Variants in SP3 observed in about 807,000 individuals in gnomAD.
SP3 encodes Sp3 transcription factor.
Under a neutral mutation model 70.3 loss-of-function variants are expected in SP3, and 10 were observed. The ratio of observed to expected loss-of-function variants is 0.14; its 90% confidence interval spans 0.09 to 0.24. The LOEUF (loss-of-function observed/expected upper bound fraction) is 0.24. Ranked by LOEUF, SP3 falls within the 10% of genes least tolerant of loss-of-function variation. The pLI, the probability that SP3 is intolerant of heterozygous loss-of-function variation, is 1.00. For missense variants in SP3, 825 were observed against 914.6 expected (o/e 0.90, Z 1.26); for synonymous variants, 402 against 333.5 (o/e 1.21, Z -2.24).
chr2:173,937,453 G>A (rs1159100158), intron 4 of SP3, among the ~76,000 whole-genome samples: 1 of 152,024 alleles, frequency 6.6e-6, no homozygotes, highest in Non-Finnish European at 1.5e-5. Context: ...TGTGAATCAA[G>A]TAAGTATACA....
intron 5 of SP3, chr2:173,915,328 TAA>T (rs892200728): frequency 6.6e-6 from 1 of 152,072 alleles, no homozygotes; most frequent in Non-Finnish European, 1.5e-5. Flanking sequence ...TCATTCAAAG[TAA>T]GATATAGATA....
chr2:173,908,894 AGACT>A lies in SP3; in HGVS notation c.*1043_*1046del, dbSNP rs1045326063. On this transcript the variant is annotated 3_prime_UTR_variant, in exon 7 of 7. Coordinates refer to ENST00000310015, the MANE Select transcript of SP3 (RefSeq NM_003111.5). ...AGGAAAATGATTGATATTTAAGTGC[AGACT>A]GACTACCTAGACAAAAAAAAAAAAG... 4 of 152,176 alleles carry A rather than the reference AGACT, an allele frequency of 2.6e-5. No individual in the cohort carries two copies. The highest frequency in any genetic ancestry group is 4.4e-5 in the Non-Finnish European group (3 of 67,834). 9.4% of individuals were successfully genotyped at this position (152,176 alleles called of 1,614,324 possible).
intron 6 of SP3, among the ~76,000 whole-genome samples, chr2:173,910,940 C>T (rs1490429814): frequency 2.0e-5 from 3 of 151,990 alleles, no homozygotes. Flanking sequence ...TGTTGAAGAC[C>T]GACTCTGCAA....
intron 3 of SP3, among the ~76,000 whole-genome samples, chr2:173,958,249 C>T (rs1342096293): frequency 6.9e-6 from 1 of 145,254 alleles, no homozygotes; most frequent in Admixed American, 7.0e-5. Context: ...AAAACAAAGT[C>T]AAATTTACAG....
At chr2:173,946,546 T>A (rs1264422101) in intron 4 of SP3, among the ~76,000 whole-genome samples, 1 of 152,150 alleles carries the variant, frequency 6.6e-6, no homozygotes, top group Non-Finnish European at 1.5e-5. Context: ...CCTACAGTAG[T>A]CAGTTCAATA....
intron 4 of SP3, among the ~76,000 whole-genome samples, chr2:173,936,051 G>A (rs201162904): frequency 2.6e-5 from 4 of 151,814 alleles, no homozygotes; most frequent in East Asian, 3.9e-4. Context: ...CTTTTGAAAC[G>A]GAGTCCCGCT....
chr2:173,944,089 T>A (rs758077824), intron 4 of SP3, among the ~76,000 whole-genome samples: 1 of 152,244 alleles, frequency 6.6e-6, no homozygotes, highest in Non-Finnish European at 1.5e-5. Flanking sequence ...GACTGAAACA[T>A]CATTATGCAG....
Position 173,901,563 on chromosome 2 carries a change from C to T in SP3, c.*8378G>A, listed in dbSNP as rs888553256. On this transcript the variant is annotated 3_prime_UTR_variant, in exon 7 of 7. Transcript: ENST00000310015. ...CTTGTAAAAATATGCTCAACCTCAC[C>T]AGAATATAGAAAAATTAGAATTAAA... Among the ~76,000 whole-genome samples the T allele has an allele frequency of 6.6e-6, 1 of 151,942 alleles. No homozygotes were observed. Among genetic ancestry groups the T allele is most frequent in the Non-Finnish European group, 1.5e-5 (1 of 67,990 alleles).
rs1025135880 is a variant in SP3, at chr2:173,906,093, T to A, written c.*3848A>T. Among the ~76,000 whole-genome samples, 7 of 151,966 alleles carry A rather than the reference T, an allele frequency of 4.6e-5. No individual in the cohort carries two copies. Among genetic ancestry groups the A allele is most frequent in the Admixed American group, 1.3e-4 (2 of 15,258 alleles). ...GACTAGGAATCACTGACAAAAAAAA[T>A]TCTTCTCTTTTGCAATTTGGCAGCC... is the stretch of plus-strand genomic sequence containing the variant. On this transcript the variant is annotated 3_prime_UTR_variant, in exon 7 of 7. Transcript: ENST00000310015.
intron 4 of SP3, 74 bp downstream of exon 4, chr2:173,954,799 T>C (rs1343158971): frequency 8.7e-6 from 12 of 1,386,934 alleles, no homozygotes; most frequent in Admixed American, 2.1e-5. Context: ...TGCTGATAAA[T>C]ACCTAAAGCA....
At chr2:173,942,303 A>G (rs905652432) in intron 4 of SP3, among the ~76,000 whole-genome samples, 1 of 152,176 alleles carries the variant, frequency 6.6e-6, no homozygotes, top group African/African-American at 2.4e-5. Context: ...AAGGCCTGTA[A>G]GCCTGTAATC....
At chr2:173,952,945 T>C (rs1025691747) in intron 4 of SP3, among the ~76,000 whole-genome samples, 2 of 152,216 alleles carry the variant, frequency 1.3e-5, no homozygotes, top group Admixed American at 6.5e-5. Context: ...TTTGAGGTAA[T>C]AAAAATGCTC....
intron 4 of SP3, among the ~76,000 whole-genome samples, chr2:173,945,560 A>G (rs1352570335): frequency 6.6e-6 from 1 of 152,178 alleles, no homozygotes; most frequent in African/African-American, 2.4e-5. Flanking sequence ...CTAGTGGGGG[A>G]AAATAAAAAA....
chr2:173,936,253 A>G (rs958452859), intron 4 of SP3, among the ~76,000 whole-genome samples: 3 of 152,082 alleles, frequency 2.0e-5, no homozygotes, highest in Non-Finnish European at 4.4e-5. Flanking sequence ...TCTTGACCTC[A>G]GGTGATCCAC....
In SP3 at chr2:173,901,695, C is replaced by CTT. The variant is rs34329180; in HGVS notation, c.*8244_*8245dup. On this transcript the variant is annotated 3_prime_UTR_variant, in exon 7 of 7. Coordinates refer to ENST00000310015, the MANE Select transcript of SP3 (RefSeq NM_003111.5). Reference sequence around the variant, plus strand: ...GGGAAACAGTTAGTTGGACTTAAGCCTTTTTTTTTTTTTTTTTTTTTTTTG... The same window carrying CTT: ...GGGAAACAGTTAGTTGGACTTAAGCCTTTTTTTTTTTTTTTTTTTTTTTTTTG... Among the ~76,000 whole-genome samples the CTT allele has an allele frequency of 0.099, 7,390 of 74,966 alleles. 383 individuals are homozygous for CTT. Among genetic ancestry groups the CTT allele is most frequent in the Non-Finnish European group, 0.14 (5,711 of 41,284 alleles). The allele number at this position is 74,966 out of a possible 152,430, so 49.2% of individuals were successfully genotyped here.
rs188774161 is a variant in SP3, at chr2:173,903,847, C to T, written c.*6094G>A. On this transcript the variant is annotated 3_prime_UTR_variant, in exon 7 of 7. Coordinates refer to ENST00000310015, the MANE Select transcript of SP3 (RefSeq NM_003111.5). ...GCCCACCCTTTCTGATTCATCCAAG[C>T]TATATACTAAGTTCTGCCTTGTCTA... Among the ~76,000 whole-genome samples the T allele has an allele frequency of 1.3e-5, 2 of 152,186 alleles. No individual in the cohort carries two copies. Among genetic ancestry groups the T allele is most frequent in the South Asian group, 4.1e-4 (2 of 4,828 alleles).
At chr2:173,964,371 G>C (rs761933836) in intron 2 of SP3, 34 bp downstream of exon 2, 35 of 676,566 alleles carry the variant, frequency 5.2e-5, no homozygotes, top group Non-Finnish European at 8.5e-5. Flanking sequence ...GCGGCGCGAG[G>C]GGGGAGCCGG....
rs1690842614 is a variant in SP3, at chr2:173,955,279, T to C, written c.1233A>G (p.Gln411=). Residue 411 remains glutamine, a synonymous_variant, in exon 4 of 7, where the codon CAA becomes CAG. Coordinates refer to ENST00000310015, the MANE Select transcript of SP3 (RefSeq NM_003111.5). ...QESQQPTSQA[Q]IVQGITPQTI... is the part of the protein sequence containing the mutation. ...TCTGTGGTGTAATACCTTGCACAAT[T>C]TGGGCTTGACTGGTTGGCTGCTGAG... 2 of 1,614,152 alleles carry C rather than the reference T, an allele frequency of 1.2e-6. No individual in the cohort carries two copies. Among genetic ancestry groups the C allele is most frequent in the South Asian group, 1.1e-5 (1 of 91,082 alleles).
At chr2:173,953,676 G>A (rs1224435346) in intron 4 of SP3, among the ~76,000 whole-genome samples, 2 of 151,898 alleles carry the variant, frequency 1.3e-5, no homozygotes, top group Non-Finnish European at 1.5e-5. Flanking sequence ...GCTGAGGCAC[G>A]AGAATTGCTT....
Sources: gnomAD v4.1 joint callset for allele counts (sites outside exome capture counted in the v4.1 genomes callset) on GRCh38, gnomAD v4.1.1 for gene constraint, MANE v1.5 for transcripts, NCBI Gene and HGNC (gene_info 2026-07-23, HGNC 2026-07-21) for gene names.